RGS18: variants seen among roughly 807,000 people sequenced by gnomAD.
RGS18 encodes regulator of G-protein signaling 18.
RGS18 carries 22 observed loss-of-function variants against 27.6 expected under a neutral mutation model. The observed-to-expected ratio is 0.80, with a 90% CI of 0.57 to 1.14. RGS18 has a LOEUF of 1.14. Among genes scored for constraint, RGS18 ranks in the 50% most tolerant of loss-of-function variants. The pLI, the probability that RGS18 is intolerant of heterozygous loss-of-function variation, is 0.00. For synonymous variants in RGS18, 89 were observed against 84.6 expected, an observed-to-expected ratio of 1.05 and a Z score of -0.29; for missense variants, 299 against 269.6, an observed-to-expected ratio of 1.11 and a Z score of -0.76.
At chr1:192,162,054 T>C (rs1393708232) in intron 3 of RGS18, among the ~76,000 whole-genome samples, 1 of 152,196 alleles carries the variant, frequency 6.6e-6, no homozygotes, top group East Asian at 1.9e-4. Context: ...AGGCTTAAAC[T>C]TAGTTAAGGA....
rs1656273186 is a variant in RGS18 at position 192,172,244 on chromosome 1, G to C, written c.284-9048G>C. Among the ~76,000 whole-genome samples the C allele has an allele frequency of 2.0e-5, 3 of 152,094 alleles. No homozygotes were observed. The South Asian group carries it at 6.2e-4, about 32-fold the overall frequency. On this transcript the variant is annotated intron_variant, in intron 3 of 4. Coordinates refer to ENST00000367460, the MANE Select transcript of RGS18 (RefSeq NM_130782.3). ...TCTATCATGGGAGAAGTTCCCCCAGGATTGGCTTGGTGCAGTTTTCAGCAA... is the reference window on the plus strand; with the variant it reads ...TCTATCATGGGAGAAGTTCCCCCAGCATTGGCTTGGTGCAGTTTTCAGCAA...
chr1:192,167,514 G>A (rs1412326533), intron 3 of RGS18, among the ~76,000 whole-genome samples: 1 of 151,920 alleles, frequency 6.6e-6, no homozygotes, highest in Non-Finnish European at 1.5e-5. Flanking sequence ...CCACCTCCTG[G>A]GTTCAAGCGA....
chr1:192,177,789 T>C (rs1656382311), intron 3 of RGS18, among the ~76,000 whole-genome samples: 1 of 151,742 alleles, frequency 6.6e-6, no homozygotes, highest in Non-Finnish European at 1.5e-5. Context: ...TTCAGGAACA[T>C]GGCACACGAA....
intron 4 of RGS18, 69 bp from the exon 5 acceptor site, chr1:192,184,228 T>G: frequency 7.1e-7 from 1 of 1,416,744 alleles, no homozygotes; most frequent in Non-Finnish European, 9.8e-7. Context: ...GCATCAGTCC[T>G]GTGCTGTTTC....
At chr1:192,171,691 T>G (rs1340468942) in intron 3 of RGS18, among the ~76,000 whole-genome samples, 1 of 152,164 alleles carries the variant, frequency 6.6e-6, no homozygotes, top group East Asian at 1.9e-4. Context: ...TGTCATATCT[T>G]TGTCTAACTA....
chr1:192,167,444 G>A (rs1288517033), intron 3 of RGS18, among the ~76,000 whole-genome samples: 1 of 149,054 alleles, frequency 6.7e-6, no homozygotes, highest in Non-Finnish European at 1.5e-5. Flanking sequence ...TTTTTATATT[G>A]AATCTCACCC....
At chr1:192,161,313 C>T (rs1017015818) in intron 3 of RGS18, 1 of 152,176 alleles carries the variant, frequency 6.6e-6, no homozygotes, top group Admixed American at 6.5e-5. Context: ...ATCAAGGCCT[C>T]ATTTGACTCT....
At chr1:192,183,736 A>G (rs1656494856) in intron 4 of RGS18, among the ~76,000 whole-genome samples, 1 of 151,674 alleles carries the variant, frequency 6.6e-6, no homozygotes, top group Non-Finnish European at 1.5e-5. Flanking sequence ...TGGTGTACCT[A>G]TAGAATGGAA....
At chr1:192,159,537 C>T (rs1206316824) in intron 2 of RGS18, among the ~76,000 whole-genome samples, 1 of 152,132 alleles carries the variant, frequency 6.6e-6, no homozygotes, top group Non-Finnish European at 1.5e-5. Context: ...CTTAAAGCTG[C>T]TCTTTTAAAA....
intron 3 of RGS18, chr1:192,163,199 C>T (rs1656103389): frequency 6.6e-6 from 1 of 152,134 alleles, no homozygotes; most frequent in African/African-American, 2.4e-5. Flanking sequence ...ATCTTGGACA[C>T]TACAGAAATG....
At chr1:192,164,797 T>C (rs924272767) in intron 3 of RGS18, among the ~76,000 whole-genome samples, 2 of 152,320 alleles carry the variant, frequency 1.3e-5, no homozygotes, top group East Asian at 1.9e-4. Context: ...TAATTTCCTA[T>C]GCTTGACTTT....
chr1:192,171,549 C>G (rs1656257453), intron 3 of RGS18, among the ~76,000 whole-genome samples: 3 of 152,062 alleles, frequency 2.0e-5, no homozygotes, highest in Admixed American at 1.3e-4. Context: ...AAAGAAATGG[C>G]AGGATCTCCC....
intron 3 of RGS18, among the ~76,000 whole-genome samples, chr1:192,170,980 G>A (rs889236857): frequency 1.3e-5 from 2 of 152,090 alleles, no homozygotes; most frequent in African/African-American, 4.8e-5. Flanking sequence ...AAATAGGAAC[G>A]TTCTAAGGAA....
chr1:192,181,561 T>A (rs1656456792), intron 4 of RGS18, 103 bp downstream of exon 4: 1 of 791,154 alleles, frequency 1.3e-6, no homozygotes, highest in African/African-American at 1.8e-5. Context: ...TTTTTATTAA[T>A]TTCATTTATA....
chr1:192,179,504 T>A (rs1202145292), intron 3 of RGS18, among the ~76,000 whole-genome samples: 1 of 151,430 alleles, frequency 6.6e-6, no homozygotes, highest in East Asian at 2.0e-4. Context: ...TATACACAAA[T>A]GTTTATAGCA....
At chr1:192,166,577 C>T (rs564446883) in intron 3 of RGS18, among the ~76,000 whole-genome samples, 17 of 150,820 alleles carry the variant, frequency 1.1e-4, no homozygotes, top group South Asian at 6.2e-4. Flanking sequence ...AGTAAGGACC[C>T]GCTTAGAAAA....
Position 192,185,781 on chromosome 1 carries a change from G to A in RGS18, c.*1227G>A, listed in dbSNP as rs993014966. The A allele has an allele frequency of 5.3e-5, 8 of 151,638 alleles. No individual in the cohort carries two copies. The highest frequency in any genetic ancestry group is 1.9e-4 in the African/African-American group (8 of 41,466). 9.4% of individuals were successfully genotyped at this position (151,638 alleles called of 1,614,324 possible). ...AAATATTTTTAACTTCATTCATACA[G>A]TTAAGTTTATCTGACAATAAAAGCT... On this transcript the variant is annotated 3_prime_UTR_variant, in exon 5 of 5. Transcript: ENST00000367460.
intron 3 of RGS18, chr1:192,169,937 A>G (rs1461771176): frequency 5.3e-5 from 8 of 152,214 alleles, no homozygotes; most frequent in Non-Finnish European, 1.2e-4. Flanking sequence ...TAGAAAAAGG[A>G]CAAATACTTT....
At chr1:192,172,882 T>TATATATAAAA (rs1407068832) in intron 3 of RGS18, among the ~76,000 whole-genome samples, 149 of 104,890 alleles carry the variant, frequency 1.4e-3, no homozygotes, top group African/African-American at 3.8e-3. Context: ...TATATATATA[T>TATATATAAAA]AAATATATAT....
Sources: gnomAD v4.1 joint callset for allele counts (sites outside exome capture counted in the v4.1 genomes callset) on GRCh38, gnomAD v4.1.1 for gene constraint, MANE v1.5 for transcripts, NCBI Gene and HGNC (gene_info 2026-07-23, HGNC 2026-07-21) for gene names.